The following ATP11A variants were observed in gnomAD, a reference collection of about 807,000 sequenced individuals.
ATP11A encodes ATPase phospholipid transporting 11A.
ATP11A carries 81 observed loss-of-function variants against 154.4 expected under a neutral mutation model. The observed-to-expected ratio is 0.52, with a 90% CI of 0.44 to 0.63. ATP11A has a LOEUF of 0.63. Ranked by LOEUF, ATP11A falls within the 30% of genes least tolerant of loss-of-function variation. The probability of loss-of-function intolerance (pLI) is 0.00; values close to 1 mark genes in which losing one functional copy is unlikely to be tolerated. For missense variants in ATP11A, 1,316 were observed against 1,474.3 expected, an observed-to-expected ratio of 0.89 and a Z score of 1.76; for synonymous variants, 623 against 585.9, an observed-to-expected ratio of 1.06 and a Z score of -0.91.
At chr13:112,732,138 G>A (rs372655503) in intron 1 of ATP11A, among the ~76,000 whole-genome samples, 42 of 152,240 alleles carry the variant, frequency 2.8e-4, no homozygotes, top group African/African-American at 9.6e-4. Context: ...CAATAACTGC[G>A]TCCCAAGCAG....
chr13:112,857,916 C>A lies in ATP11A; in HGVS notation c.2517C>A (p.Gly839=). ...DVSMILEAHV[G]IGVIGKEGRQ... ...GCATGATTCTGGAAGCGCACGTGGGCATAGGTGAGCTTCGTCCTTGCTGCT... is the reference window on the plus strand; with the variant it reads ...GCATGATTCTGGAAGCGCACGTGGGAATAGGTGAGCTTCGTCCTTGCTGCT... Residue 839 remains glycine, a synonymous_variant, in exon 21 of 30, where the codon GGC becomes GGA. Coordinates refer to ENST00000375645, the MANE Select transcript of ATP11A (RefSeq NM_015205.3). 6.2e-7 allele frequency: 1 copy of A among 1,614,126 alleles called. No individual in the cohort carries two copies. Among genetic ancestry groups the A allele is most frequent in the Non-Finnish European group, 8.5e-7 (1 of 1,179,962 alleles).
intron 1 of ATP11A, among the ~76,000 whole-genome samples, chr13:112,779,640 G>A (rs1461255019): frequency 2.0e-5 from 3 of 152,250 alleles, no homozygotes; most frequent in Admixed American, 1.3e-4. Context: ...CCTGCCAGGC[G>A]CAGTGGCTCA....
intron 1 of ATP11A, among the ~76,000 whole-genome samples, chr13:112,710,717 G>A (rs1055906397): frequency 2.6e-5 from 4 of 152,226 alleles, no homozygotes; most frequent in Non-Finnish European, 5.9e-5. Context: ...GGTGAGTGTG[G>A]ACAGTGAGGG....
At chr13:112,820,792 G>A (rs2078778323) in intron 8 of ATP11A, among the ~76,000 whole-genome samples, 1 of 152,152 alleles carries the variant, frequency 6.6e-6, no homozygotes, top group African/African-American at 2.4e-5. Flanking sequence ...TTCTTCCATT[G>A]TAAGCACTCT....
intron 2 of ATP11A, among the ~76,000 whole-genome samples, chr13:112,797,145 T>C (rs1352859225): frequency 1.3e-5 from 2 of 151,662 alleles, no homozygotes; most frequent in Non-Finnish European, 2.9e-5. Context: ...TAGCCAGGTG[T>C]GGTGGCAGGT....
chr13:112,799,097 C>G (rs961066959), intron 2 of ATP11A, among the ~76,000 whole-genome samples: 1 of 152,202 alleles, frequency 6.6e-6, no homozygotes, highest in African/African-American at 2.4e-5. Flanking sequence ...GAGGTCAGTT[C>G]TCCAAGACAA....
chr13:112,803,598 T>C lies in ATP11A; in HGVS notation c.163-1359T>C, dbSNP rs1418085998. Among the ~76,000 whole-genome samples the C allele has an allele frequency of 2.6e-5, 4 of 152,280 alleles. No individual in the cohort carries two copies. The East Asian group carries it at 7.7e-4, about 29-fold the overall frequency. On this transcript the variant is annotated intron_variant, in intron 2 of 29. Transcript: ENST00000375645. ...CGTGACATCTGGGACGTTGTTGTTTTCAACACAGAAGTTGAATGAAACTGC... is the reference window on the plus strand; with the variant it reads ...CGTGACATCTGGGACGTTGTTGTTTCCAACACAGAAGTTGAATGAAACTGC...
chr13:112,755,611 T>A lies in ATP11A; in HGVS notation c.40-29524T>A, dbSNP rs570716015. 3.0e-4 allele frequency among the ~76,000 whole-genome samples: 45 copies of A among 148,954 alleles called. No individual in the cohort carries two copies. In the South Asian group the frequency reaches 9.7e-3, roughly 32 times the overall value. On this transcript the variant is annotated intron_variant, in intron 1 of 29. Transcript: ENST00000375645. ...CAGCTCCCAGAACCATTTCCAATCATGGAAGCGTCACTCAGAGCGGCTCCT... is the reference window on the plus strand; with the variant it reads ...CAGCTCCCAGAACCATTTCCAATCAAGGAAGCGTCACTCAGAGCGGCTCCT...
At chr13:112,854,949 A>G (rs2079879884) in intron 19 of ATP11A, among the ~76,000 whole-genome samples, 1 of 152,236 alleles carries the variant, frequency 6.6e-6, no homozygotes, top group African/African-American at 2.4e-5. Context: ...GTACATGCCC[A>G]AGAGTTGTTT....
Position 112,696,478 on chromosome 13 carries a change from T to A in ATP11A, c.39+6023T>A, listed in dbSNP as rs899509396. ...CCCGTTCTGCCGAAGTCCAGTCCCG[T>A]GTGTGCTGCGGCCCCGTCTCTCTCC... is the stretch of plus-strand genomic sequence containing the variant. On this transcript the variant is annotated intron_variant, in intron 1 of 29. Coordinates refer to ENST00000375645, the MANE Select transcript of ATP11A (RefSeq NM_015205.3). This position sits in a 1 kb window ranked among gnomAD's most constrained non-coding sequence, Gnocchi z 6.2. Among the ~76,000 whole-genome samples, 3 of 152,026 alleles carry A rather than the reference T, an allele frequency of 2.0e-5. No homozygotes were observed. Among genetic ancestry groups the A allele is most frequent in the Non-Finnish European group, 4.4e-5 (3 of 67,978 alleles).
At chr13:112,874,942 C>T (rs565149129) in intron 27 of ATP11A, among the ~76,000 whole-genome samples, 4 of 152,316 alleles carry the variant, frequency 2.6e-5, no homozygotes, top group South Asian at 4.1e-4. Context: ...GGTAGAACCA[C>T]AGCCTCTCAC....
At chr13:112,857,965 C>T in intron 21 of ATP11A, 45 bp downstream of exon 21, 11 of 1,601,182 alleles carry the variant, frequency 6.9e-6, no homozygotes, top group Non-Finnish European at 9.4e-6. Context: ...GGCCAGGTCA[C>T]CCCTTCGCTA....
rs377481853 is a variant in ATP11A, at chr13:112,756,885, A to ACGGGGCCTGCTCCCAGCG, written c.40-28236_40-28219dup. Among the ~76,000 whole-genome samples, 302 of 130,642 alleles carry ACGGGGCCTGCTCCCAGCG rather than the reference A, an allele frequency of 2.3e-3. 1 individual carries two copies. The highest frequency in any genetic ancestry group is 6.3e-3 in the African/African-American group (217 of 34,222). 85.7% of individuals were successfully genotyped at this position (130,642 alleles called of 152,430 possible). A position where few individuals can be genotyped will look rare whatever the true frequency, so the allele number is the denominator to read the frequency against. The stretch of plus-strand genomic sequence containing the variant: ...TCCCAGCACGTGGTCTGCTCCCAGC[A>ACGGGGCCTGCTCCCAGCG]CGGGGCCTGCTCCCAGCGCGGGGCC... On this transcript the variant is annotated intron_variant, in intron 1 of 29. Coordinates refer to ENST00000375645, the MANE Select transcript of ATP11A (RefSeq NM_015205.3).
At chr13:112,819,258 T>C (rs775014198) in intron 6 of ATP11A, 46 bp from the exon 7 acceptor site, 2 of 1,563,312 alleles carry the variant, frequency 1.3e-6, no homozygotes, top group Admixed American at 1.7e-5. Context: ...TCTGGGTTTG[T>C]GTTGACCGTT....
chr13:112,767,869 G>T (rs1461429942), intron 1 of ATP11A, among the ~76,000 whole-genome samples: 1 of 152,050 alleles, frequency 6.6e-6, no homozygotes, highest in African/African-American at 2.4e-5. Flanking sequence ...CCTGCGTGCA[G>T]ACCCCTCGCA....
chr13:112,790,337 C>G (rs1356696047), intron 2 of ATP11A, among the ~76,000 whole-genome samples: 1 of 150,028 alleles, frequency 6.7e-6, no homozygotes, highest in Non-Finnish European at 1.5e-5. Flanking sequence ...TGTAGACCTA[C>G]TTAATTCACA....
intron 1 of ATP11A, among the ~76,000 whole-genome samples, chr13:112,721,245 G>A (rs1184969586): frequency 6.6e-6 from 1 of 152,158 alleles, no homozygotes; most frequent in Non-Finnish European, 1.5e-5. Flanking sequence ...GGAACCCTCT[G>A]CCCCGCAGGT....
At chr13:112,825,622 T>C in intron 11 of ATP11A, 42 bp downstream of exon 11, 2 of 1,547,134 alleles carry the variant, frequency 1.3e-6, no homozygotes, top group Non-Finnish European at 1.7e-6. Flanking sequence ...AGGTGACCTG[T>C]GGGCCATTAT....
chr13:112,870,620 G>A (rs1006144380), intron 25 of ATP11A, among the ~76,000 whole-genome samples: 3 of 152,102 alleles, frequency 2.0e-5, no homozygotes, highest in African/African-American at 7.2e-5. Flanking sequence ...CTCATGATCC[G>A]CCCACCTCGG....
Sources: gnomAD v4.1 joint callset for allele counts (sites outside exome capture counted in the v4.1 genomes callset) on GRCh38, gnomAD v4.1.1 for gene constraint, Gnocchi (gnomAD v3.1) non-coding constraint, MANE v1.5 for transcripts, NCBI Gene and HGNC (gene_info 2026-07-23, HGNC 2026-07-21) for gene names.